The following ACYP2 variants were observed in gnomAD, a reference collection of about 807,000 sequenced individuals.
ACYP2 encodes acylphosphatase-2.
A neutral mutation model predicts 11.2 loss-of-function variants in ACYP2; 12 were observed. That is an observed-to-expected ratio of 1.08 (90% CI 0.69 to 1.74). ACYP2 has a LOEUF of 1.74. ACYP2 is among the 40% of genes most tolerant of loss of function. The probability of loss-of-function intolerance (pLI) is 0.00; values close to 1 mark genes in which losing one functional copy is unlikely to be tolerated. For synonymous variants in ACYP2, 43 were observed against 32.2 expected, an observed-to-expected ratio of 1.33 and a Z score of -1.13; for missense variants, 134 against 101.9, an observed-to-expected ratio of 1.31 and a Z score of -1.35.
At chr2:54,293,943 A>G (rs746863860) in intron 6 of ACYP2, among the ~76,000 whole-genome samples, 5 of 152,240 alleles carry the variant, frequency 3.3e-5, no homozygotes, top group Admixed American at 6.5e-5. Flanking sequence ...CAAAAATGTT[A>G]TATATTATCC....
chr2:54,176,806 G>C (rs963315478), intron 6 of ACYP2, among the ~76,000 whole-genome samples: 2 of 152,158 alleles, frequency 1.3e-5, no homozygotes, highest in African/African-American at 4.8e-5. Flanking sequence ...GTTGTTGAGA[G>C]GGTACCAAAG....
At chr2:54,299,422 T>C (rs1240013292) in intron 6 of ACYP2, among the ~76,000 whole-genome samples, 1 of 150,408 alleles carries the variant, frequency 6.6e-6, no homozygotes, top group Non-Finnish European at 1.5e-5. Flanking sequence ...TGAAACCCTA[T>C]CTCTACTAAA....
At chr2:54,081,478 C>T (rs1677644941) in intron 4 of ACYP2, among the ~76,000 whole-genome samples, 1 of 152,164 alleles carries the variant, frequency 6.6e-6, no homozygotes, top group African/African-American at 2.4e-5. Context: ...TTGCAACTGC[C>T]TACAGTATTC....
chr2:54,090,415 G>C (rs532845902), intron 4 of ACYP2, among the ~76,000 whole-genome samples: 1 of 152,232 alleles, frequency 6.6e-6, no homozygotes, highest in South Asian at 2.1e-4. Flanking sequence ...CAGATCACGA[G>C]GTAAGGAGTT....
chr2:53,975,625 G>A (rs1032822955), intron 2 of ACYP2, among the ~76,000 whole-genome samples: 1 of 152,124 alleles, frequency 6.6e-6, no homozygotes, highest in Non-Finnish European at 1.5e-5. Context: ...AAGGTCAGGA[G>A]ATCAAGAGCA....
chr2:54,117,936 CT>C (rs1250696521), intron 4 of ACYP2, among the ~76,000 whole-genome samples: 52 of 152,294 alleles, frequency 3.4e-4, no homozygotes, highest in Admixed American at 3.4e-3. Flanking sequence ...CCTTTCCCCC[CT>C]GACTCCCCAG....
intron 4 of ACYP2, among the ~76,000 whole-genome samples, chr2:54,121,459 G>A (rs1365606944): frequency 5.3e-5 from 8 of 152,324 alleles, no homozygotes; most frequent in Middle Eastern, 3.4e-3. Context: ...CCTGTCTACC[G>A]AGGAATTTGT....
intron 6 of ACYP2, among the ~76,000 whole-genome samples, chr2:54,219,929 A>T (rs1167064536): frequency 3.4e-5 from 4 of 117,448 alleles, no homozygotes; most frequent in African/African-American, 6.5e-5. Context: ...TTTAGTAGAG[A>T]TGGGTTTTTG....
intron 6 of ACYP2, among the ~76,000 whole-genome samples, chr2:54,181,967 A>G (rs1187084144): frequency 6.6e-6 from 1 of 151,622 alleles, no homozygotes; most frequent in African/African-American, 2.4e-5. Context: ...ACAAAACCCT[A>G]TATACTTATT....
intron 4 of ACYP2, among the ~76,000 whole-genome samples, chr2:54,095,376 G>A (rs1485270130): frequency 6.6e-6 from 1 of 152,196 alleles, no homozygotes; most frequent in Non-Finnish European, 1.5e-5. Flanking sequence ...TGTCATCCTG[G>A]CCCGTTCTCA....
chr2:54,161,366 T>C (rs1404931891), intron 6 of ACYP2, among the ~76,000 whole-genome samples: 1 of 152,206 alleles, frequency 6.6e-6, no homozygotes, highest in Non-Finnish European at 1.5e-5. Flanking sequence ...GTGTTTCCAA[T>C]GAGCAGCCAG....
chr2:54,074,000 T>G (rs72800725), intron 4 of ACYP2, among the ~76,000 whole-genome samples: 22,130 of 152,114 alleles, frequency 0.15, 1,685 homozygotes, highest in African/African-American at 0.2. Context: ...TAACATAGAG[T>G]TGCCATATGA....
chr2:54,249,407 C>T (rs1687105770), intron 6 of ACYP2, among the ~76,000 whole-genome samples: 1 of 149,880 alleles, frequency 6.7e-6, no homozygotes, highest in Non-Finnish European at 1.5e-5. Context: ...TGCACACCAG[C>T]CTGGGTGACA....
In ACYP2 at chr2:54,138,722, G is replaced by A. The variant is rs759835856; in HGVS notation, c.378G>A (p.Gln126=). ...AAGGCACCGTGACAGGCCAAGTGCA[G>A]GGGCCAGAAGACAAAGTCAATTCCA... is the stretch of plus-strand genomic sequence containing the variant. The change falls in exon 6 of 7, where the codon CAG becomes CAA. Residue 126 remains glutamine (Q), a synonymous_variant. Transcript: ENST00000607452. 1.2e-6 allele frequency: 2 copies of A among 1,613,972 alleles called. No individual in the cohort carries two copies. The highest frequency in any genetic ancestry group is 1.7e-6 in the Non-Finnish European group (2 of 1,179,930).
chr2:54,126,954 C>CTAA (rs1680549225), intron 4 of ACYP2, among the ~76,000 whole-genome samples: 1 of 123,388 alleles, frequency 8.1e-6, no homozygotes. Flanking sequence ...AACTCCGTCT[C>CTAA]AAAAAAAAAA....
chr2:54,064,101 C>A lies in ACYP2; in HGVS notation c.277+6741C>A, dbSNP rs190184485. 2.5e-3 allele frequency among the ~76,000 whole-genome samples: 381 copies of A among 152,274 alleles called. 2 individuals are homozygous for A. The highest frequency in any genetic ancestry group is 4.2e-3 in the Non-Finnish European group (286 of 68,022). On this transcript the variant is annotated intron_variant, in intron 4 of 6. Transcript: ENST00000607452. ...GGCTCAAGTGGTCCTCCTGCCTTGG[C>A]CTCCCAAAGTGCAGGGACTATGAAG...
At chr2:54,127,458 G>A (rs937178854) in intron 4 of ACYP2, among the ~76,000 whole-genome samples, 23 of 152,244 alleles carry the variant, frequency 1.5e-4, no homozygotes, top group African/African-American at 5.1e-4. Flanking sequence ...TGGGCTGGGC[G>A]CAGTGACTCA....
chr2:54,255,483 G>A lies in ACYP2; in HGVS notation c.405-49205G>A, dbSNP rs564528431. The A allele has an allele frequency of 5.0e-6, 8 of 1,614,034 alleles. No homozygotes were observed. The South Asian group carries it at 5.5e-5, about 11-fold the overall frequency. On this transcript the variant is annotated intron_variant, in intron 6 of 6. Transcript: ENST00000607452. ...GCCCAAACCTGCGCTCCACCTGCAGGAGCGCCCTGTCAGCCTCTGCATTCA... is the reference window on the plus strand; with the variant it reads ...GCCCAAACCTGCGCTCCACCTGCAGAAGCGCCCTGTCAGCCTCTGCATTCA...
intron 4 of ACYP2, among the ~76,000 whole-genome samples, chr2:54,135,172 AC>A (rs1288178270): frequency 6.6e-6 from 1 of 152,214 alleles, no homozygotes; most frequent in East Asian, 1.9e-4. Context: ...GAGAGTGTCT[AC>A]AGTGTGGATC....
Sources: gnomAD v4.1 joint callset for allele counts (sites outside exome capture counted in the v4.1 genomes callset) on GRCh38, gnomAD v4.1.1 for gene constraint, MANE v1.5 for transcripts, NCBI Gene and HGNC (gene_info 2026-07-23, HGNC 2026-07-21) for gene names.